RP1L1: variants seen among roughly 807,000 people sequenced by gnomAD.
RP1L1 encodes retinitis pigmentosa 1-like 1 protein.
RP1L1 carries 27 observed loss-of-function variants against 15.7 expected under a neutral mutation model. The observed-to-expected ratio is 1.72, with a 90% CI of 1.27 to 2.38. RP1L1 has a LOEUF of 2.38. RP1L1 is among the 30% of genes most tolerant of loss of function. The pLI is 0.00. For missense variants in RP1L1, 4,798 were observed against 3,075.9 expected (o/e 1.56, Z -13.24); for synonymous variants, 1,813 against 1,276.7 (o/e 1.42, Z -8.96).
intron 1 of RP1L1, among the ~76,000 whole-genome samples, chr8:10,653,993 C>T (rs1798602157): frequency 6.6e-6 from 1 of 152,088 alleles, no homozygotes; most frequent in African/African-American, 2.4e-5. Flanking sequence ...GGGAGGGAGC[C>T]TGGGGCAGGG....
Position 10,607,976 on chromosome 8 carries a change from G to C in RP1L1, c.6122C>G (p.Thr2041Ser). ...GEEAQEVEGETQKTEGDAQPE... is the reference protein window; with the variant it reads ...GEEAQEVEGESQKTEGDAQPE... ...CTGGGCATCCCCTTCTGTCTTCTGG[G>C]TCTCCCCTTCAACCTCCTGGGCCTC... Residue 2041 changes from threonine to serine, a missense_variant, in exon 4 of 4, where the codon ACC (threonine) becomes AGC (serine). Physicochemically the swap from Thr to Ser is moderately conservative, Grantham distance 58. Transcript: ENST00000382483. 1 of 1,611,774 alleles carries C rather than the reference G, an allele frequency of 6.2e-7. No individual in the cohort carries two copies. Among genetic ancestry groups the C allele is most frequent in the Non-Finnish European group, 8.5e-7 (1 of 1,179,444 alleles).
In RP1L1 at chr8:10,610,050, G is replaced by A; in HGVS notation, c.4048C>T (p.Gln1350Ter). The stretch of plus-strand genomic sequence containing the variant: ...TCCTCTAACTGCGCCTCTTCTTCTT[G>A]CTGTCCTTCTCCTTCTGTTTCTTTA... ...ETKETEGEGQQEEEAQLEEIE... is the reference protein window; with the variant it reads ...ETKETEGEGQ The change falls in exon 4 of 4, where the codon CAA becomes TAA. Residue 1350 changes from glutamine (Q) to a stop codon, truncating the protein, a stop_gained. Coordinates refer to ENST00000382483, the MANE Select transcript of RP1L1 (RefSeq NM_178857.6). LOFTEE classifies it low-confidence loss of function (END_TRUNC). 1 of 1,275,158 alleles carries A rather than the reference G, an allele frequency of 7.8e-7. No homozygotes were observed. Among genetic ancestry groups the A allele is most frequent in the South Asian group, 1.3e-5 (1 of 74,330 alleles). 79.0% of individuals were successfully genotyped at this position (1,275,158 alleles called of 1,614,324 possible).
In RP1L1 at chr8:10,612,069, G is replaced by C. The variant is rs754796822; in HGVS notation, c.2029C>G (p.Pro677Ala). 8.7e-6 allele frequency: 14 copies of C among 1,613,772 alleles called. No homozygotes were observed. In the South Asian group the frequency reaches 1.1e-4, roughly 13 times the overall value. Residue 677 changes from proline (P) to alanine (A), a missense_variant, in exon 4 of 4, where the codon CCA becomes GCA. Physicochemically the swap from Pro to Ala is conservative, Grantham distance 27. Transcript: ENST00000382483. ...HSHYRKDTHSPLDSSVTKQVP... is the reference protein window; with the variant it reads ...HSHYRKDTHSALDSSVTKQVP... ...TGCTTGGTTACAGAGGAGTCCAGTG[G>C]GCTGTGGGTGTCCTTGCGGTAGTGA...
chr8:10,613,286 G>T lies in RP1L1; in HGVS notation c.812C>A (p.Thr271Lys). ...ACCAGGCCTTTCTGGCAGCCGTGGC[G>T]TGCTGCCTGGCGGAGACCGCGAATG... ...VIHSRSPPGS[T>K]PRLPERPGPS... Residue 271 changes from threonine (T) to lysine (K), a missense_variant, in exon 4 of 4, where the codon ACG (threonine) becomes AAG (lysine). Thr to Lys is a moderately conservative substitution (Grantham distance 78). Coordinates refer to ENST00000382483, the MANE Select transcript of RP1L1 (RefSeq NM_178857.6). 1 of 1,606,254 alleles carries T rather than the reference G, an allele frequency of 6.2e-7. No homozygotes were observed. Among genetic ancestry groups the T allele is most frequent in the Non-Finnish European group, 8.5e-7 (1 of 1,179,982 alleles).
In RP1L1 at chr8:10,610,543, C is replaced by T. The variant is rs369791539; in HGVS notation, c.3555G>A (p.Gly1185=). The change falls in exon 4 of 4, where the codon GGG becomes GGA. Residue 1185 remains glycine (G), a synonymous_variant. Transcript: ENST00000382483. ...LTWSQALPDL[G]SHAMTENFTP... ...TGAAGTTCTCCGTCATGGCATGGGA[C>T]CCAAGGTCTGGCAGAGCCTGGCTCC... 20 of 1,613,584 alleles carry T rather than the reference C, an allele frequency of 1.2e-5. No individual in the cohort carries two copies. Among genetic ancestry groups the T allele is most frequent in the Non-Finnish European group, 1.7e-5 (20 of 1,180,024 alleles).
chr8:10,641,348 G>A (rs1563139367), intron 1 of RP1L1, among the ~76,000 whole-genome samples: 1 of 152,166 alleles, frequency 6.6e-6, no homozygotes, highest in Non-Finnish European at 1.5e-5. Context: ...AGCGACCCCT[G>A]GGGGTTCTCT....
rs141846905 is a variant in RP1L1, at chr8:10,612,228, C to T, written c.1870G>A (p.Ala624Thr). ...GLSCSWDSEG[A>T]SSTPSTCTSS... ...GTGCAGGTGGAAGGGGTGGAAGAGG[C>T]TCCTTCCGAGTCCCAGGAGCAGGAA... Residue 624 changes from alanine (A) to threonine (T), a missense_variant, in exon 4 of 4, where the codon GCC becomes ACC. Transcript: ENST00000382483. The T allele has an allele frequency of 7.5e-4, 1,207 of 1,613,244 alleles. 8 individuals carry two copies. The African/African-American group carries it at 0.013, about 17-fold the overall frequency.
intron 1 of RP1L1, among the ~76,000 whole-genome samples, chr8:10,630,322 A>G (rs1798222093): frequency 6.6e-6 from 1 of 152,170 alleles, no homozygotes; most frequent in Non-Finnish European, 1.5e-5. Context: ...TGTGAGGTTG[A>G]CCTGACCTCT....
intron 3 of RP1L1, among the ~76,000 whole-genome samples, chr8:10,614,480 G>T (rs1797932009): frequency 6.6e-6 from 1 of 151,954 alleles, no homozygotes; most frequent in Non-Finnish European, 1.5e-5. Context: ...GCCAACATGG[G>T]GAAACCCCAT....
chr8:10,643,021 T>G (rs1376224293), intron 1 of RP1L1, among the ~76,000 whole-genome samples: 3 of 151,968 alleles, frequency 2.0e-5, no homozygotes, highest in Non-Finnish European at 4.4e-5. Flanking sequence ...CTTAGGAAGG[T>G]TTCAGTAAAG....
At position 10,609,884 on chromosome 8, in the gene RP1L1, A is replaced by G; in HGVS notation, c.4214T>C (p.Val1405Ala). ...GGCCTCTGACAATTCCTGCCCGTGG[A>G]CGCTTCCTTCTTCTGGAAGTCCTTC... Reference protein sequence around the residue: ...KEEGLPEEGSVHGQELSEASS... With the variant: ...KEEGLPEEGSAHGQELSEASS... The change falls in exon 4 of 4, where the codon GTC becomes GCC. Residue 1405 changes from valine (V) to alanine (A), a missense_variant. By Grantham distance (64) the Val-to-Ala change is moderately conservative. Coordinates refer to ENST00000382483, the MANE Select transcript of RP1L1 (RefSeq NM_178857.6). 2 of 1,592,698 alleles carry G rather than the reference A, an allele frequency of 1.3e-6. No individual in the cohort carries two copies. Among genetic ancestry groups the G allele is most frequent in the Non-Finnish European group, 1.7e-6 (2 of 1,164,846 alleles).
chr8:10,627,089 T>C (rs1449569234), intron 1 of RP1L1, among the ~76,000 whole-genome samples: 2 of 151,786 alleles, frequency 1.3e-5, no homozygotes, highest in Non-Finnish European at 2.9e-5. Context: ...TCCTCAAAAA[T>C]GGAAGCATAG....
intron 2 of RP1L1, among the ~76,000 whole-genome samples, chr8:10,619,721 G>C (rs1018335414): frequency 6.6e-6 from 1 of 152,026 alleles, no homozygotes; most frequent in Non-Finnish European, 1.5e-5. Flanking sequence ...GAGGTCAAGA[G>C]TTCAAGACCA....
rs962835252 is a variant in RP1L1, at chr8:10,634,849, C to T, written c.-19-11629G>A. Among the ~76,000 whole-genome samples the T allele has an allele frequency of 4.4e-4, 67 of 152,288 alleles. 1 individual carries two copies. The highest frequency in any genetic ancestry group is 7.5e-4 in the African/African-American group (31 of 41,572). ...CCACCTGGTGTGAGTCTACCCAACC[C>T]CAACTGGGACTCCCTCTCCTCAAGG... On this transcript the variant is annotated intron_variant, in intron 1 of 3. Coordinates refer to ENST00000382483, the MANE Select transcript of RP1L1 (RefSeq NM_178857.6).
intron 1 of RP1L1, among the ~76,000 whole-genome samples, chr8:10,652,861 C>G (rs1798582845): frequency 6.6e-6 from 1 of 152,166 alleles, no homozygotes; most frequent in African/African-American, 2.4e-5. Flanking sequence ...CCTAGTGGAG[C>G]TCTGAACAGA....
chr8:10,607,159 G>T lies in RP1L1; in HGVS notation c.6939C>A (p.Asp2313Glu), dbSNP rs370109407. The change falls in exon 4 of 4, where the codon GAC (aspartate) becomes GAA (glutamate). Residue 2313 changes from aspartate (D) to glutamate (E), a missense_variant. Asp to Glu is a conservative substitution (Grantham distance 45, BLOSUM62 2). Transcript: ENST00000382483. ...ASSWGNCWQK[D>E]SENDHVLGDT... ...CTCCAAGTACATGGTCATTTTCTGA[G>T]TCTTTCTGCCAGCAGTTGCCCCAAG... The T allele has an allele frequency of 5.0e-6, 8 of 1,614,100 alleles. No homozygotes were observed. The African/African-American group carries it at 8.0e-5, about 16-fold the overall frequency.
At chr8:10,613,482 A>G in intron 3 of RP1L1, 136 bp from the exon 4 acceptor site, 1 of 1,291,234 alleles carries the variant, frequency 7.7e-7, no homozygotes, top group Non-Finnish European at 1.1e-6. Context: ...GCACGGTGAC[A>G]GCTGTGCGCG....
In RP1L1 at chr8:10,612,179, C is replaced by T. The variant is rs1406958872; in HGVS notation, c.1919G>A (p.Arg640Lys). 1 of 1,613,442 alleles carries T rather than the reference C, an allele frequency of 6.2e-7. No individual in the cohort carries two copies. Among genetic ancestry groups the T allele is most frequent in the Non-Finnish European group, 8.5e-7 (1 of 1,180,020 alleles). The change falls in exon 4 of 4, where the codon AGG (arginine) becomes AAG (lysine). Residue 640 changes from arginine to lysine, a missense_variant. Coordinates refer to ENST00000382483, the MANE Select transcript of RP1L1 (RefSeq NM_178857.6). Reference sequence around the variant, plus strand: ...CATTGCACTGGCCCGGCTTCTGTGCCTTCTCTGCCCCTGCTGGGATGAAGT... The same window carrying T: ...CATTGCACTGGCCCGGCTTCTGTGCTTTCTCTGCCCCTGCTGGGATGAAGT... ...TCTSSQQGQR[R>K]HRSRASAMSS... is the part of the protein sequence containing the mutation.
rs372233185 is a variant in RP1L1 at position 10,608,035 on chromosome 8, G to A, written c.6063C>T (p.Asp2021=). The A allele has an allele frequency of 1.3e-4, 204 of 1,540,102 alleles. No homozygotes were observed. The highest frequency in any genetic ancestry group is 8.6e-4 in the African/African-American group (53 of 61,682). The change falls in exon 4 of 4, where the codon GAC becomes GAT. Residue 2021 remains aspartate, a synonymous_variant. Transcript: ENST00000382483. ...EAEEEAQPES[D]GVEAQPKSEG... The stretch of plus-strand genomic sequence containing the variant: ...CTGACTTTGGCTGGGCCTCTACACC[G>A]TCTGACTCTGGCTGGGCCTCCTCTT...
Sources: gnomAD v4.1 joint callset for allele counts (sites outside exome capture counted in the v4.1 genomes callset) on GRCh38, gnomAD v4.1.1 for gene constraint, MANE v1.5 for transcripts, NCBI Gene and HGNC (gene_info 2026-07-23, HGNC 2026-07-21) for gene names.